The following FAM167A variants were observed in gnomAD, a reference collection of about 807,000 sequenced individuals.
FAM167A encodes the protein family with sequence similarity 167 member A, also known as protein FAM167A.
A neutral mutation model predicts 14.9 loss-of-function variants in FAM167A; 23 were observed. That is an observed-to-expected ratio of 1.55 (90% CI 1.11 to 2.19). The LOEUF is 2.19. FAM167A is among the 30% of genes most tolerant of loss of function. The pLI is 0.00. For missense variants in FAM167A, 401 were observed against 281.5 expected (o/e 1.42, Z -3.04); for synonymous variants, 174 against 117.7 (o/e 1.48, Z -3.10).
At chr8:11,470,887 T>C (rs1302106106), upstream of FAM167A, among the ~76,000 whole-genome samples, 1 of 152,088 alleles carries the variant, frequency 6.6e-6, no homozygotes, top group Non-Finnish European at 1.5e-5. Flanking sequence ...TCAGCTGCAA[T>C]GGCTCCTCCC....
chr8:11,472,618 G>A (rs1028507531), intron 1 of FAM167A, among the ~76,000 whole-genome samples: 1 of 152,026 alleles, frequency 6.6e-6, no homozygotes, highest in East Asian at 1.9e-4. Context: ...ACCCTGATGG[G>A]CAGGGGAGAG....
chr8:11,474,067 G>A (rs1360396001), intron 1 of FAM167A, among the ~76,000 whole-genome samples: 2 of 152,092 alleles, frequency 1.3e-5, no homozygotes, highest in Non-Finnish European at 2.9e-5. Context: ...TAGAGATGGG[G>A]TTTCACCATG....
At chr8:11,435,996 C>G (rs147157481) in intron 2 of FAM167A, among the ~76,000 whole-genome samples, 59 of 152,320 alleles carry the variant, frequency 3.9e-4, no homozygotes, top group African/African-American at 1.4e-3. Flanking sequence ...TCCTGGGTGC[C>G]GGGTCCCTGC....
chr8:11,430,355 G>C (rs961065104), intron 2 of FAM167A, among the ~76,000 whole-genome samples: 3 of 152,214 alleles, frequency 2.0e-5, no homozygotes, highest in Admixed American at 2.0e-4. Flanking sequence ...TGGCCCCTTT[G>C]AAACAGCTGT....
At chr8:11,457,602 G>A (rs1393773005) in intron 1 of FAM167A, among the ~76,000 whole-genome samples, 1 of 152,128 alleles carries the variant, frequency 6.6e-6, no homozygotes, top group East Asian at 1.9e-4. Context: ...CCGGCACTCA[G>A]AGCAGTGCCC....
chr8:11,452,743 G>C (rs1420468503), intron 1 of FAM167A, among the ~76,000 whole-genome samples: 1 of 152,210 alleles, frequency 6.6e-6, no homozygotes, highest in Non-Finnish European at 1.5e-5. Context: ...GTGACGGCCT[G>C]AGATCCTGGC....
At chr8:11,453,121 G>T (rs990873051) in intron 1 of FAM167A, among the ~76,000 whole-genome samples, 6 of 152,202 alleles carry the variant, frequency 3.9e-5, no homozygotes, top group African/African-American at 1.4e-4. Flanking sequence ...CTGTCCTGCT[G>T]CCGGTTATCC....
upstream of FAM167A, among the ~76,000 whole-genome samples, chr8:11,469,829 A>T (rs1416536229): frequency 6.6e-6 from 1 of 152,088 alleles, no homozygotes; most frequent in Non-Finnish European, 1.5e-5. Flanking sequence ...GCAGTCAGCC[A>T]TGATTGCACC....
chr8:11,443,246 C>A (rs537509289), intron 2 of FAM167A, among the ~76,000 whole-genome samples: 2 of 152,340 alleles, frequency 1.3e-5, no homozygotes, highest in South Asian at 2.1e-4. Flanking sequence ...GGGGACAGGG[C>A]ACCCAGCTCT....
upstream of FAM167A, among the ~76,000 whole-genome samples, chr8:11,471,022 G>T (rs114006218): frequency 6.6e-6 from 1 of 152,206 alleles, no homozygotes; most frequent in Non-Finnish European, 1.5e-5. Flanking sequence ...GCCACCCGGG[G>T]GCTAGACATG....
rs1362387738 is a variant in FAM167A, at chr8:11,423,114, G to C, written c.*1259C>G. The C allele has an allele frequency of 6.6e-6, 1 of 152,512 alleles. No homozygotes were observed. Among genetic ancestry groups the C allele is most frequent in the African/African-American group, 2.4e-5 (1 of 41,428 alleles). The allele number at this position is 152,512 out of a possible 1,614,324, so 9.4% of individuals were successfully genotyped here. A position where few individuals can be genotyped will look rare whatever the true frequency, so the allele number is the denominator to read the frequency against. On this transcript the variant is annotated 3_prime_UTR_variant, in exon 3 of 3. Transcript: ENST00000284486. ...CTTCTCCTCCCCCAGGTTTCACTTT[G>C]CTCCTTTACTAATGAGAGGACTCGA...
Position 11,424,392 on chromosome 8 carries a change from C to T in FAM167A, c.626G>A (p.Arg209Gln), listed in dbSNP as rs199968652. 22 of 1,614,084 alleles carry T rather than the reference C, an allele frequency of 1.4e-5. No individual in the cohort carries two copies. The highest frequency in any genetic ancestry group is 5.5e-5 in the South Asian group (5 of 91,058). ...GGCTCCTCAGCAGAGAGAGAACCTC[C>T]GAGAGTTGATGTTCATCTTGGTCAC... is the stretch of plus-strand genomic sequence containing the variant. ...IGVTKMNINS[R>Q]RFSLC Residue 209 changes from arginine to glutamine, a missense_variant, in exon 3 of 3, where the codon CGG (arginine) becomes CAG (glutamine). Coordinates refer to ENST00000284486, the MANE Select transcript of FAM167A (RefSeq NM_053279.3).
intron 1 of FAM167A, among the ~76,000 whole-genome samples, chr8:11,475,758 T>C (rs1238503225): frequency 6.6e-6 from 1 of 152,164 alleles, no homozygotes; most frequent in Non-Finnish European, 1.5e-5. Flanking sequence ...CCTAAATGTA[T>C]TGATTCTAGC....
At position 11,433,476 on chromosome 8, in the gene FAM167A, A is replaced by G. The variant is rs1585239094; in HGVS notation, c.382-8840T>C. Among the ~76,000 whole-genome samples, 4 of 152,276 alleles carry G rather than the reference A, an allele frequency of 2.6e-5. No individual in the cohort carries two copies. In the South Asian group the frequency reaches 8.3e-4, roughly 32 times the overall value. ...GGCTTACGAAACCCTCTGTTCTTTT[A>G]GTTTGGTGAAATAAGGGCTGTGATG... On this transcript the variant is annotated intron_variant, in intron 2 of 2. Coordinates refer to ENST00000284486, the MANE Select transcript of FAM167A (RefSeq NM_053279.3).
chr8:11,441,176 ACT>A (rs1345994593), intron 2 of FAM167A, among the ~76,000 whole-genome samples: 2 of 152,086 alleles, frequency 1.3e-5, no homozygotes, highest in African/African-American at 4.8e-5. Context: ...GGGTTTGTTC[ACT>A]GAGGCCCATT....
upstream of FAM167A, among the ~76,000 whole-genome samples, chr8:11,468,441 G>T (rs1235092097): frequency 6.6e-6 from 1 of 152,248 alleles, no homozygotes; most frequent in Admixed American, 6.5e-5. Flanking sequence ...GTCCTTCATG[G>T]ACCAGTTATA....
chr8:11,444,939 G>A (rs1256031473), intron 1 of FAM167A, 131 bp from the exon 2 acceptor site: 7 of 774,902 alleles, frequency 9.0e-6, no homozygotes, highest in Non-Finnish European at 9.4e-6. Flanking sequence ...TGGCTAGTCC[G>A]GGACGGAAGT....
intron 1 of FAM167A, among the ~76,000 whole-genome samples, chr8:11,464,342 C>T (rs1454235920): frequency 1.3e-5 from 2 of 152,172 alleles, no homozygotes; most frequent in African/African-American, 2.4e-5. Context: ...CCTGGCAACA[C>T]GGCCCTCGGT....
chr8:11,432,965 C>A (rs1805717843), intron 2 of FAM167A, among the ~76,000 whole-genome samples: 2 of 152,260 alleles, frequency 1.3e-5, no homozygotes, highest in Non-Finnish European at 2.9e-5. Context: ...AACACAGAAA[C>A]AGAAAACCAA....
Sources: gnomAD v4.1 joint callset for allele counts (sites outside exome capture counted in the v4.1 genomes callset) on GRCh38, gnomAD v4.1.1 for gene constraint, MANE v1.5 for transcripts, NCBI Gene and HGNC (gene_info 2026-07-23, HGNC 2026-07-21) for gene names.